Variants in GRID2 observed in about 807,000 individuals in gnomAD.
The protein encoded by GRID2 is glutamate receptor ionotropic, delta-2.
Under a neutral mutation model 114.8 loss-of-function variants are expected in GRID2, and 33 were observed. The ratio of observed to expected loss-of-function variants is 0.29; its 90% confidence interval spans 0.22 to 0.38. The LOEUF is 0.38. GRID2 is among the 10% of genes least tolerant of loss of function. The pLI is 1.00. For synonymous variants in GRID2, 505 were observed against 449.9 expected, an observed-to-expected ratio of 1.12 and a Z score of -1.55; for missense variants, 1,184 against 1,257.7, an observed-to-expected ratio of 0.94 and a Z score of 0.89.
At chr4:93,255,106 G>C (rs374643291) in intron 8 of GRID2, among the ~76,000 whole-genome samples, 2 of 151,924 alleles carry the variant, frequency 1.3e-5, no homozygotes, top group South Asian at 2.1e-4. Context: ...CGTGTTAGCT[G>C]TATCTACTTT....
chr4:93,374,028 G>T (rs11733624), intron 8 of GRID2, among the ~76,000 whole-genome samples: 41 of 152,228 alleles, frequency 2.7e-4, no homozygotes, highest in Non-Finnish European at 4.3e-4. Flanking sequence ...CCAATTCTTG[G>T]TTTAAAACGC....
intron 8 of GRID2, among the ~76,000 whole-genome samples, chr4:93,345,628 G>T (rs573344988): frequency 1.3e-5 from 2 of 152,086 alleles, no homozygotes; most frequent in Non-Finnish European, 2.9e-5. Flanking sequence ...CTTGCTTGAG[G>T]AAGCTTTTTG....
chr4:93,230,098 A>G (rs1278997870), intron 7 of GRID2, among the ~76,000 whole-genome samples: 3 of 152,002 alleles, frequency 2.0e-5, no homozygotes, highest in Non-Finnish European at 2.9e-5. Context: ...TTCTTCACAC[A>G]TATTTTCATT....
chr4:93,009,477 G>A (rs1430409676), intron 2 of GRID2, among the ~76,000 whole-genome samples: 1 of 152,074 alleles, frequency 6.6e-6, no homozygotes, highest in African/African-American at 2.4e-5. Context: ...GGAACGCAAG[G>A]ACTCTCTTTG....
chr4:93,102,053 A>C (rs1731752803), intron 3 of GRID2, among the ~76,000 whole-genome samples: 1 of 152,220 alleles, frequency 6.6e-6, no homozygotes. Flanking sequence ...TTGCTTTAAA[A>C]AAAAATGTAT....
chr4:93,064,476 C>T (rs1032468657), intron 2 of GRID2, among the ~76,000 whole-genome samples: 2 of 151,842 alleles, frequency 1.3e-5, no homozygotes, highest in Admixed American at 6.6e-5. Context: ...AATTCAAGAG[C>T]TTCTACCAGT....
intron 13 of GRID2, among the ~76,000 whole-genome samples, chr4:93,556,929 G>A (rs1734379219): frequency 6.6e-6 from 1 of 152,148 alleles, no homozygotes; most frequent in African/African-American, 2.4e-5. Context: ...GAGAGTGGGG[G>A]CCAATATTTA....
At chr4:92,688,242 G>A (rs756781810) in intron 2 of GRID2, among the ~76,000 whole-genome samples, 1 of 150,882 alleles carries the variant, frequency 6.6e-6, no homozygotes, top group African/African-American at 2.4e-5. Context: ...TAGTAACAGG[G>A]TTTCACTATT....
chr4:92,335,342 C>T (rs925462274), intron 1 of GRID2, among the ~76,000 whole-genome samples: 8 of 151,940 alleles, frequency 5.3e-5, no homozygotes, highest in African/African-American at 1.9e-4. Context: ...GTTTTCTCAT[C>T]ACATAAAAGA....
intron 4 of GRID2, among the ~76,000 whole-genome samples, chr4:93,183,543 C>A (rs114873085): frequency 0.01 from 1,550 of 152,236 alleles, 31 homozygotes; most frequent in African/African-American, 0.036. Context: ...CCAACTGATA[C>A]ATTCATTCAA....
intron 14 of GRID2, among the ~76,000 whole-genome samples, chr4:93,629,043 A>T (rs2149694835): frequency 6.6e-6 from 1 of 152,342 alleles, no homozygotes; most frequent in South Asian, 2.1e-4. Context: ...TTGGGATTAC[A>T]GGCATGAGCC....
chr4:92,637,353 G>A (rs1731118404), intron 2 of GRID2, among the ~76,000 whole-genome samples: 1 of 152,018 alleles, frequency 6.6e-6, no homozygotes, highest in African/African-American at 2.4e-5. Context: ...GCAGTATGTA[G>A]AGTAAGTTAA....
intron 1 of GRID2, among the ~76,000 whole-genome samples, chr4:92,433,254 A>C (rs1304091998): frequency 6.6e-6 from 1 of 152,176 alleles, no homozygotes; most frequent in Non-Finnish European, 1.5e-5. Context: ...CACCCAAGGC[A>C]GTGCCTCACT....
chr4:93,466,310 C>G (rs750583194), intron 11 of GRID2, among the ~76,000 whole-genome samples: 1 of 152,044 alleles, frequency 6.6e-6, no homozygotes, highest in African/African-American at 2.4e-5. Context: ...AGGCAAGCCC[C>G]GAAGTGGAGC....
intron 1 of GRID2, among the ~76,000 whole-genome samples, chr4:92,567,373 A>T (rs1727386734): frequency 6.6e-6 from 1 of 152,046 alleles, no homozygotes; most frequent in South Asian, 2.1e-4. Flanking sequence ...GATACCTGAT[A>T]GGCTTACATT....
chr4:92,798,559 G>A (rs1740000771), intron 2 of GRID2, among the ~76,000 whole-genome samples: 1 of 152,000 alleles, frequency 6.6e-6, no homozygotes, highest in African/African-American at 2.4e-5. Flanking sequence ...TGATTTACAA[G>A]AATGACAGAA....
At chr4:93,541,657 G>C (rs1415795813) in intron 13 of GRID2, among the ~76,000 whole-genome samples, 1 of 152,158 alleles carries the variant, frequency 6.6e-6, no homozygotes, top group East Asian at 1.9e-4. Context: ...CTTGTGAGCT[G>C]TGTCTCATTT....
At chr4:92,710,449 T>C (rs191204374) in intron 2 of GRID2, among the ~76,000 whole-genome samples, 6 of 152,334 alleles carry the variant, frequency 3.9e-5, no homozygotes, top group Admixed American at 3.3e-4. Flanking sequence ...TATTTTCCAA[T>C]GTGCTATGTA....
At chr4:93,801,960 T>C (rs997726150) in intron 1 of GRID2, among the ~76,000 whole-genome samples, 5 of 152,224 alleles carry the variant, frequency 3.3e-5, no homozygotes, top group Non-Finnish European at 5.9e-5. Context: ...TTTAAAATCC[T>C]GTATGTAGAA....
Sources: gnomAD v4.1 joint callset for allele counts (sites outside exome capture counted in the v4.1 genomes callset) on GRCh38, gnomAD v4.1.1 for gene constraint, MANE v1.5 for transcripts, NCBI Gene and HGNC (gene_info 2026-07-23, HGNC 2026-07-21) for gene names.